The following NFU1 variants were observed in gnomAD, a reference collection of about 807,000 sequenced individuals.
NFU1 encodes NFU1 iron-sulfur cluster scaffold homolog, mitochondrial.
Under a neutral mutation model 32.2 loss-of-function variants are expected in NFU1, and 30 were observed. The observed-to-expected ratio is 0.93, with a 90% CI of 0.70 to 1.26. The LOEUF (loss-of-function observed/expected upper bound fraction) is 1.26, where lower values mean the gene tolerates loss of function less well. Among genes scored for constraint, NFU1 ranks in the 50% most tolerant of loss-of-function variants. The pLI is 0.00. For missense variants in NFU1, 306 were observed against 306.6 expected (o/e 1.00, Z 0.02); for synonymous variants, 112 against 104.6 (o/e 1.07, Z -0.43).
upstream of NFU1, among the ~76,000 whole-genome samples, chr2:69,437,831 C>T (rs553287290): frequency 5.9e-5 from 9 of 152,332 alleles, no homozygotes; most frequent in Non-Finnish European, 8.8e-5. Flanking sequence ...CCCAAAGACT[C>T]CCTGGAGCAT....
chr2:69,434,138 CTT>C (rs141478065), intron 1 of NFU1, among the ~76,000 whole-genome samples: 5 of 67,182 alleles, frequency 7.4e-5, no homozygotes, highest in African/African-American at 3.8e-4. Context: ...CTTCACTTCA[CTT>C]TTTTTTTTCT....
At position 69,396,158 on chromosome 2, in the gene NFU1, T is replaced by G. The variant is rs1375629740; in HGVS notation, c.*88A>C. 6 of 1,052,736 alleles carry G rather than the reference T, an allele frequency of 5.7e-6. No individual in the cohort carries two copies. The highest frequency in any genetic ancestry group is 4.8e-5 in the African/African-American group (3 of 62,860). The allele number at this position is 1,052,736 out of a possible 1,614,324, so 65.2% of individuals were successfully genotyped here. On this transcript the variant is annotated 3_prime_UTR_variant, in exon 8 of 8. Coordinates refer to ENST00000410022, the MANE Select transcript of NFU1 (RefSeq NM_001002755.4). ...CTCTGAAGAGCATATTTTATTAATC[T>G]TCAAGTTCCTCAGCATATTAATAAT...
chr2:69,424,103 C>G (rs1166223602), intron 2 of NFU1, among the ~76,000 whole-genome samples: 1 of 125,732 alleles, frequency 8.0e-6, no homozygotes. Flanking sequence ...ACCTGCGAGG[C>G]GGAGGTTGCA....
chr2:69,397,524 TA>T (rs1427443240), intron 7 of NFU1, among the ~76,000 whole-genome samples: 1 of 152,098 alleles, frequency 6.6e-6, no homozygotes, highest in Non-Finnish European at 1.5e-5. Context: ...GACAATTGAA[TA>T]AAAATGTTCC....
chr2:69,419,811 C>T (rs973241616), intron 3 of NFU1, among the ~76,000 whole-genome samples: 3 of 152,164 alleles, frequency 2.0e-5, no homozygotes, highest in African/African-American at 4.8e-5. Flanking sequence ...AATAAAAACT[C>T]GTGCTCCACA....
chr2:69,409,604 G>C (rs184651971), intron 5 of NFU1, among the ~76,000 whole-genome samples: 23 of 152,318 alleles, frequency 1.5e-4, no homozygotes, highest in Non-Finnish European at 3.1e-4. Flanking sequence ...AAAAGTTGAA[G>C]ACTTGGCATC....
At position 69,404,615 on chromosome 2, in the gene NFU1, A is replaced by ATTTTTTT. The variant is rs534309730; in HGVS notation, c.545+1400_545+1406dup. 2.9e-4 allele frequency among the ~76,000 whole-genome samples: 21 copies of ATTTTTTT among 72,970 alleles called. 2 individuals carry two copies. Among genetic ancestry groups the ATTTTTTT allele is most frequent in the East Asian group, 1.4e-3 (4 of 2,910 alleles). The allele number at this position is 72,970 out of a possible 152,430, so 47.9% of individuals were successfully genotyped here. A position where few individuals can be genotyped will look rare whatever the true frequency, so the allele number is the denominator to read the frequency against. On this transcript the variant is annotated intron_variant, in intron 6 of 7. Coordinates refer to ENST00000410022, the MANE Select transcript of NFU1 (RefSeq NM_001002755.4). ...CACTTAATAACTACTATCTTAGCAA[A>ATTTTTTT]TTTTTTTTTTTTTTTTTTTTTTTGA...
intron 2 of NFU1, chr2:69,429,970 A>T: frequency 3.1e-6 from 1 of 322,484 alleles, no homozygotes; most frequent in Non-Finnish European, 6.2e-6. Flanking sequence ...CGGAGGTTAC[A>T]GTGAGCCAAG....
At chr2:69,424,170 CAAAAAAAAAAAAA>C (rs57078704) in intron 2 of NFU1, among the ~76,000 whole-genome samples, 2 of 42,926 alleles carry the variant, frequency 4.7e-5, no homozygotes, top group Non-Finnish European at 7.6e-5. Flanking sequence ...GACTCTGTCT[CAAAAAAAAAAAAA>C]AAAAAAAAAA....
chr2:69,432,246 G>A (rs111845125), intron 1 of NFU1, among the ~76,000 whole-genome samples: 4 of 152,108 alleles, frequency 2.6e-5, no homozygotes, highest in African/African-American at 2.4e-5. Context: ...CTTGATAACC[G>A]GGTGTGCACA....
chr2:69,397,136 C>CT (rs1232271060), intron 7 of NFU1, among the ~76,000 whole-genome samples: 5 of 150,702 alleles, frequency 3.3e-5, no homozygotes, highest in African/African-American at 1.2e-4. Flanking sequence ...ATGACTTTTT[C>CT]TTTTTTTCAA....
Position 69,396,207 on chromosome 2 carries a change from C to T in NFU1, c.*39G>A. On this transcript the variant is annotated 3_prime_UTR_variant, in exon 8 of 8. Coordinates refer to ENST00000410022, the MANE Select transcript of NFU1 (RefSeq NM_001002755.4). ...ATAAAAACTTGATATATATTATCAA[C>T]AAGTCTGACTGTTATGCCCAAAGAA... 2 of 1,535,896 alleles carry T rather than the reference C, an allele frequency of 1.3e-6. No individual in the cohort carries two copies. The highest frequency in any genetic ancestry group is 1.4e-5 in the African/African-American group (1 of 73,368).
At chr2:69,400,632 G>T in intron 6 of NFU1, 94 bp from the exon 7 acceptor site, 2 of 1,058,032 alleles carry the variant, frequency 1.9e-6, no homozygotes, top group East Asian at 4.9e-5. Context: ...TTTTATATTA[G>T]TAAAATTCAC....
intron 4 of NFU1, among the ~76,000 whole-genome samples, chr2:69,417,602 T>C (rs1394656503): frequency 1.3e-5 from 2 of 152,088 alleles, no homozygotes; most frequent in African/African-American, 4.8e-5. Flanking sequence ...CAGTGACCCA[T>C]GATCGCACTA....
chr2:69,416,499 T>C (rs966847296), intron 4 of NFU1, among the ~76,000 whole-genome samples: 11 of 149,958 alleles, frequency 7.3e-5, no homozygotes, highest in Admixed American at 3.3e-4. Flanking sequence ...GATAAAGAGA[T>C]TCCCATTCTC....
At chr2:69,436,334 T>A (rs1016840328) in intron 1 of NFU1, among the ~76,000 whole-genome samples, 2 of 152,182 alleles carry the variant, frequency 1.3e-5, no homozygotes, top group Non-Finnish European at 2.9e-5. Context: ...TAATTACTAA[T>A]TGAGTGCAGT....
At chr2:69,437,171 G>A in intron 1 of NFU1, 190 bp downstream of exon 1, 1 of 1,290,978 alleles carries the variant, frequency 7.7e-7, no homozygotes, top group Non-Finnish European at 1.0e-6. Context: ...GCCCGGATTA[G>A]GCCACAGAAG....
At chr2:69,399,615 CAAA>C (rs555943713) in intron 7 of NFU1, among the ~76,000 whole-genome samples, 1 of 52,330 alleles carries the variant, frequency 1.9e-5, no homozygotes, top group Non-Finnish European at 4.0e-5. Context: ...CCCGTCTCTA[CAAA>C]AAAAAAAAAA....
chr2:69,422,576 T>C (rs1459751351), intron 3 of NFU1, among the ~76,000 whole-genome samples: 1 of 151,472 alleles, frequency 6.6e-6, no homozygotes, highest in Non-Finnish European at 1.5e-5. Flanking sequence ...TTTTAAGATC[T>C]GAAATGGAAA....
Sources: allele counts gnomAD v4.1 joint callset (sites outside exome capture counted in the v4.1 genomes callset), GRCh38; gene constraint gnomAD v4.1.1; transcripts MANE v1.5; gene names NCBI Gene and HGNC (gene_info 2026-07-23, HGNC 2026-07-21).